PLCG2: variants seen among roughly 807,000 people sequenced by gnomAD.
PLCG2 encodes the protein 1-phosphatidylinositol 4,5-bisphosphate phosphodiesterase gamma-2.
PLCG2 carries 69 observed loss-of-function variants against 175.6 expected under a neutral mutation model. The ratio of observed to expected loss-of-function variants is 0.39; its 90% CI spans 0.32 to 0.48. PLCG2 has a LOEUF of 0.48. PLCG2 is among the 20% of genes least tolerant of loss of function. PLCG2 has a pLI of 0.91. For missense variants in PLCG2, 1,798 were observed against 1,650.9 expected (o/e 1.09, Z -1.54); for synonymous variants, 827 against 624.0 (o/e 1.33, Z -4.85).
At chr16:81,800,143 G>T (rs1226305251) in intron 2 of PLCG2, among the ~76,000 whole-genome samples, 2 of 152,034 alleles carry the variant, frequency 1.3e-5, no homozygotes, top group African/African-American at 4.8e-5. Flanking sequence ...CATACTTTGG[G>T]TATCATAGTA....
chr16:81,883,152 A>G, intron 8 of PLCG2, 117 bp from the exon 9 acceptor site: 1 of 797,944 alleles, frequency 1.3e-6, no homozygotes, highest in South Asian at 1.5e-5. Context: ...TACCTAACAC[A>G]GTGCCAGACT....
intron 1 of PLCG2, among the ~76,000 whole-genome samples, chr16:81,748,853 T>A (rs1286354960): frequency 2.0e-5 from 3 of 152,238 alleles, no homozygotes; most frequent in South Asian, 4.1e-4. Flanking sequence ...TTTGACAGAT[T>A]AGGAAAATTG....
intron 2 of PLCG2, among the ~76,000 whole-genome samples, chr16:81,774,103 G>T (rs1211808236): frequency 6.6e-6 from 1 of 150,766 alleles, no homozygotes; most frequent in East Asian, 1.9e-4. Context: ...AAGCTGAGGT[G>T]GGTGGACTGC....
intron 2 of PLCG2, among the ~76,000 whole-genome samples, chr16:81,810,513 G>A (rs1216924706): frequency 6.6e-6 from 1 of 152,126 alleles, no homozygotes; most frequent in Non-Finnish European, 1.5e-5. Flanking sequence ...TGAAAAATTT[G>A]GGTCACCCAT....
chr16:81,907,752 C>A lies in PLCG2; in HGVS notation c.1535C>A (p.Thr512Asn). 1 of 1,613,648 alleles carries A rather than the reference C, an allele frequency of 6.2e-7. No individual in the cohort carries two copies. Among genetic ancestry groups the A allele is most frequent in the Non-Finnish European group, 8.5e-7 (1 of 1,179,684 alleles). Residue 512 changes from threonine (T) to asparagine (N), a missense_variant, in exon 16 of 33, where the codon ACT becomes AAT. Physicochemically the swap from Thr to Asn is moderately conservative, Grantham distance 65. Coordinates refer to ENST00000564138, the MANE Select transcript of PLCG2 (RefSeq NM_002661.5). ...TCCTTCAGTGATGACATTGAACAGA[C>A]TATGGAGGAGGAAGTGCCCCAGGTA... Reference protein sequence around the residue: ...KLSFSDDIEQTMEEEVPQDIP... With the variant: ...KLSFSDDIEQNMEEEVPQDIP...
intron 2 of PLCG2, among the ~76,000 whole-genome samples, chr16:81,833,484 AGG>A (rs2143394792): frequency 6.7e-6 from 1 of 148,564 alleles, no homozygotes; most frequent in African/African-American, 2.5e-5. Context: ...ACAAGGTAAA[AGG>A]ATACTCCTGC....
At chr16:81,755,882 T>A (rs1024056841) in exon 2 of PLCG2, 3 of 152,238 alleles carry the variant, frequency 2.0e-5, no homozygotes, top group Non-Finnish European at 4.4e-5. Flanking sequence ...GTTCTGAGGG[T>A]ACCCCTCACT....
chr16:81,805,832 T>C (rs1911996817), intron 2 of PLCG2, among the ~76,000 whole-genome samples: 2 of 143,420 alleles, frequency 1.4e-5, no homozygotes, highest in South Asian at 2.2e-4. Flanking sequence ...TAAATAGAGA[T>C]GGGATTTTGT....
chr16:81,804,830 G>A (rs961318077), intron 2 of PLCG2, among the ~76,000 whole-genome samples: 4 of 152,198 alleles, frequency 2.6e-5, no homozygotes, highest in Non-Finnish European at 4.4e-5. Flanking sequence ...AAGTGCTGCT[G>A]GCACCAGGAT....
At chr16:81,936,889 C>G (rs991027444) in intron 27 of PLCG2, among the ~76,000 whole-genome samples, 1 of 152,118 alleles carries the variant, frequency 6.6e-6, no homozygotes, top group South Asian at 2.1e-4. Context: ...TTTTTATAGC[C>G]ACATCGGATT....
chr16:81,889,503 C>A, intron 10 of PLCG2: 1 of 427,058 alleles, frequency 2.3e-6, no homozygotes, highest in Non-Finnish European at 4.3e-6. Context: ...GCTGCCTAGA[C>A]AGAACCGATT....
chr16:81,775,572 A>G (rs1220876475), upstream of PLCG2, among the ~76,000 whole-genome samples: 2 of 152,152 alleles, frequency 1.3e-5, no homozygotes, highest in South Asian at 2.1e-4. Flanking sequence ...TCTGATACCC[A>G]TAGGTATAAT....
chr16:81,962,115 G>C lies in PLCG2; in HGVS notation c.*4117G>C, dbSNP rs528262031. On this transcript the variant is annotated 3_prime_UTR_variant, in exon 33 of 33. Coordinates refer to ENST00000564138, the MANE Select transcript of PLCG2 (RefSeq NM_002661.5). The stretch of plus-strand genomic sequence containing the variant: ...GAGGAGGACCGGTCTTCGGTCAAGG[G>C]TATACGAGTAGCTGCGCTCCCCTGC... 1 of 185,692 alleles carries C rather than the reference G, an allele frequency of 5.4e-6. No homozygotes were observed. Among genetic ancestry groups the C allele is most frequent in the East Asian group, 8.8e-5 (1 of 11,364 alleles). The allele number at this position is 185,692 out of a possible 1,614,324, so 11.5% of individuals were successfully genotyped here.
intron 2 of PLCG2, among the ~76,000 whole-genome samples, chr16:81,809,637 C>G (rs913615761): frequency 1.3e-5 from 2 of 152,132 alleles, no homozygotes; most frequent in African/African-American, 2.4e-5. Flanking sequence ...ACACATGGAC[C>G]AGACTTGGGC....
chr16:81,953,483 T>G (rs1285196985), intron 31 of PLCG2, among the ~76,000 whole-genome samples: 4 of 152,146 alleles, frequency 2.6e-5, no homozygotes, highest in Admixed American at 2.6e-4. Flanking sequence ...CTTTATTTTT[T>G]TGTGTATTTT....
intron 8 of PLCG2, 22 bp from the exon 9 acceptor site, chr16:81,883,247 C>T: frequency 1.2e-6 from 2 of 1,609,884 alleles, no homozygotes; most frequent in Non-Finnish European, 1.7e-6. Flanking sequence ...TCTCTAACTG[C>T]ACCCCCTTTC....
chr16:81,868,306 C>T (rs1907345343), intron 5 of PLCG2, among the ~76,000 whole-genome samples: 1 of 144,848 alleles, frequency 6.9e-6, no homozygotes, highest in Admixed American at 6.9e-5. Context: ...CTTCCCACTT[C>T]CCCTCCCTGG....
rs947841575 is a variant in PLCG2, at chr16:81,961,489, A to G, written c.*3491A>G. The G allele has an allele frequency of 2.2e-5, 5 of 223,334 alleles. No homozygotes were observed. Among genetic ancestry groups the G allele is most frequent in the African/African-American group, 1.1e-4 (5 of 44,866 alleles). 13.8% of individuals were successfully genotyped at this position (223,334 alleles called of 1,614,324 possible). On this transcript the variant is annotated 3_prime_UTR_variant, in exon 33 of 33. Transcript: ENST00000564138. The stretch of plus-strand genomic sequence containing the variant: ...TTTAAAGGCTTACAGCCTTAGGATT[A>G]TAGGATACTATATAATACTTTTGGT...
At chr16:81,804,797 G>T (rs777617069) in intron 2 of PLCG2, among the ~76,000 whole-genome samples, 2 of 152,192 alleles carry the variant, frequency 1.3e-5, no homozygotes, top group Admixed American at 1.3e-4. Flanking sequence ...CTCCTAAGAG[G>T]AACCTGGAGA....
Sources: allele counts gnomAD v4.1 joint callset (sites outside exome capture counted in the v4.1 genomes callset), GRCh38; gene constraint gnomAD v4.1.1; transcripts MANE v1.5; gene names NCBI Gene and HGNC (gene_info 2026-07-23, HGNC 2026-07-21).